The following C14orf132 variants were observed in gnomAD, a reference collection of about 807,000 sequenced individuals.
C14orf132 encodes chromosome 14 open reading frame 132, also known as uncharacterized protein C14orf132.
Under a neutral mutation model 5.8 loss-of-function variants are expected in C14orf132, and 6 were observed. The observed-to-expected ratio is 1.03, with a 90% CI of 0.57 to 2.04. The LOEUF (loss-of-function observed/expected upper bound fraction) is 2.04. Among genes scored for constraint, C14orf132 ranks in the 30% most tolerant of loss-of-function variants. The probability of loss-of-function intolerance (pLI) is 0.00; values close to 1 mark genes in which losing one functional copy is unlikely to be tolerated. For synonymous variants in C14orf132, 51 were observed against 49.8 expected (o/e 1.02, Z -0.10); for missense variants, 125 against 115.8 (o/e 1.08, Z -0.37).
At chr14:96,081,810 G>T (rs1888039173) in intron 1 of C14orf132, among the ~76,000 whole-genome samples, 2 of 152,050 alleles carry the variant, frequency 1.3e-5, no homozygotes, top group Admixed American at 6.6e-5. Flanking sequence ...ATGTTACCCG[G>T]ACTGATCTTG....
intron 1 of C14orf132, among the ~76,000 whole-genome samples, chr14:96,053,633 G>A (rs1313390233): frequency 1.3e-5 from 2 of 152,216 alleles, no homozygotes; most frequent in African/African-American, 4.8e-5. Flanking sequence ...ACAGCAGCTG[G>A]TGGTCTTGTA....
chr14:96,069,544 G>A (rs998706705), intron 1 of C14orf132, among the ~76,000 whole-genome samples: 2 of 152,074 alleles, frequency 1.3e-5, no homozygotes, highest in Non-Finnish European at 2.9e-5. Flanking sequence ...GGCAGGCATG[G>A]GATGTGCATG....
chr14:96,056,314 G>A (rs867330397), intron 1 of C14orf132, among the ~76,000 whole-genome samples: 1 of 152,188 alleles, frequency 6.6e-6, no homozygotes, highest in African/African-American at 2.4e-5. Flanking sequence ...ACTGCCCAGG[G>A]CGGCCTGCAA....
At chr14:96,060,256 C>T (rs544264493) in intron 1 of C14orf132, among the ~76,000 whole-genome samples, 1 of 152,310 alleles carries the variant, frequency 6.6e-6, no homozygotes, top group African/African-American at 2.4e-5. Flanking sequence ...GAAGTTGATT[C>T]TGCACAGAAA....
Position 96,086,825 on chromosome 14 carries a change from C to T in C14orf132, c.*90C>T, listed in dbSNP as rs1888209560. On this transcript the variant is annotated 3_prime_UTR_variant, in exon 2 of 2. Transcript: ENST00000555004. ...TTTGGCTTCTCCTGTGTTCTAGAAC[C>T]AGGAGTTTTGACCAGGGGCGGCGGC... 1 of 1,325,860 alleles carries T rather than the reference C, an allele frequency of 7.5e-7. No individual in the cohort carries two copies. The highest frequency in any genetic ancestry group is 1.5e-5 in the African/African-American group (1 of 68,276). The allele number at this position is 1,325,860 out of a possible 1,614,324, so 82.1% of individuals were successfully genotyped here.
intron 1 of C14orf132, among the ~76,000 whole-genome samples, chr14:96,064,742 G>A (rs938504075): frequency 6.6e-6 from 1 of 151,864 alleles, no homozygotes; most frequent in Non-Finnish European, 1.5e-5. Context: ...GGTGATGAGT[G>A]CACCAAAATC....
rs1346278846 is a variant in C14orf132, at chr14:96,047,309, C to T, written c.27+7782C>T. 2.6e-5 allele frequency among the ~76,000 whole-genome samples: 4 copies of T among 152,264 alleles called. No individual in the cohort carries two copies. The East Asian group carries it at 7.7e-4, about 29-fold the overall frequency. ...AAGATTTCAGACATATGACTTGAAA[C>T]AATGGAATCTCACAAAGCTAAGAGA... On this transcript the variant is annotated intron_variant, in intron 1 of 1. Coordinates refer to ENST00000555004, the MANE Select transcript of C14orf132 (RefSeq NM_001252507.3).
At chr14:96,060,033 C>A (rs554992175) in intron 1 of C14orf132, among the ~76,000 whole-genome samples, 1 of 152,340 alleles carries the variant, frequency 6.6e-6, no homozygotes, top group Non-Finnish European at 1.5e-5. Flanking sequence ...GGATGCCCCC[C>A]TCCCCTCCTT....
chr14:96,061,647 A>C (rs1304938718), intron 1 of C14orf132, among the ~76,000 whole-genome samples: 1 of 152,184 alleles, frequency 6.6e-6, no homozygotes, highest in East Asian at 1.9e-4. Flanking sequence ...ATCTCAGGAC[A>C]GGTGCAGTGG....
rs955335070 is a variant in C14orf132 at position 96,089,946 on chromosome 14, A to C, written c.*3211A>C. 2 of 152,354 alleles carry C rather than the reference A, an allele frequency of 1.3e-5. No individual in the cohort carries two copies. Among genetic ancestry groups the C allele is most frequent in the African/African-American group, 4.8e-5 (2 of 41,446 alleles). The allele number at this position is 152,354 out of a possible 1,614,324, so 9.4% of individuals were successfully genotyped here. ...CAGGGGAGAGGGATCGTCCTCATTCAGACTCTAGCTGGGGCCTCTGTACTG... is the reference window on the plus strand; with the variant it reads ...CAGGGGAGAGGGATCGTCCTCATTCCGACTCTAGCTGGGGCCTCTGTACTG... On this transcript the variant is annotated 3_prime_UTR_variant, in exon 2 of 2. Transcript: ENST00000555004.
chr14:96,069,038 T>C (rs996732728), intron 1 of C14orf132, among the ~76,000 whole-genome samples: 1 of 151,740 alleles, frequency 6.6e-6, no homozygotes, highest in Non-Finnish European at 1.5e-5. Context: ...GCTCCTCTGG[T>C]TCTCAGGCCT....
At chr14:96,075,100 G>A (rs1011473111) in intron 1 of C14orf132, among the ~76,000 whole-genome samples, 1 of 152,110 alleles carries the variant, frequency 6.6e-6, no homozygotes, top group African/African-American at 2.4e-5. Flanking sequence ...TCATCAGTAT[G>A]TTGTTTTCAG....
chr14:96,055,636 G>A (rs552520357), intron 1 of C14orf132, among the ~76,000 whole-genome samples: 25 of 152,192 alleles, frequency 1.6e-4, no homozygotes, highest in Admixed American at 1.2e-3. Flanking sequence ...TCCGTTTTCC[G>A]CAGCCTGTAA....
At chr14:96,043,150 T>A (rs1242888411) in intron 1 of C14orf132, among the ~76,000 whole-genome samples, 1 of 152,164 alleles carries the variant, frequency 6.6e-6, no homozygotes, top group African/African-American at 2.4e-5. Context: ...GAAGAGAAAG[T>A]CTAGTGGCTT....
chr14:96,049,807 A>G (rs1439797716), intron 1 of C14orf132, among the ~76,000 whole-genome samples: 2 of 136,844 alleles, frequency 1.5e-5, no homozygotes, highest in Non-Finnish European at 3.1e-5. Flanking sequence ...TTTTATTTGG[A>G]TAGTTATTAT....
intron 1 of C14orf132, among the ~76,000 whole-genome samples, chr14:96,055,627 C>T (rs1442372132): frequency 6.6e-6 from 1 of 152,176 alleles, no homozygotes; most frequent in African/African-American, 2.4e-5. Flanking sequence ...CTCTGATCCT[C>T]CGTTTTCCGC....
At chr14:96,074,875 T>TTC (rs1245350615) in intron 1 of C14orf132, among the ~76,000 whole-genome samples, 2 of 152,144 alleles carry the variant, frequency 1.3e-5, no homozygotes, top group Non-Finnish European at 2.9e-5. Context: ...TGTTTTCTTT[T>TTC]TCAAAATTGT....
chr14:96,087,104 T>C lies in C14orf132; in HGVS notation c.*369T>C. 1 of 273,672 alleles carries C rather than the reference T, an allele frequency of 3.7e-6. No homozygotes were observed. Among genetic ancestry groups the C allele is most frequent in the East Asian group, 9.4e-5 (1 of 10,610 alleles). The allele number at this position is 273,672 out of a possible 1,614,324, so 17.0% of individuals were successfully genotyped here. A position where few individuals can be genotyped will look rare whatever the true frequency, so the allele number is the denominator to read the frequency against. The stretch of plus-strand genomic sequence containing the variant: ...GGTGGTAAATAATCACTCGTGTGTC[T>C]TGTTTTTATGCAAACTTATCGAACC... On this transcript the variant is annotated 3_prime_UTR_variant, in exon 2 of 2. Coordinates refer to ENST00000555004, the MANE Select transcript of C14orf132 (RefSeq NM_001252507.3).
Position 96,039,622 on chromosome 14 carries a change from G to C in C14orf132, c.27+95G>C. The C allele has an allele frequency of 8.1e-7, 1 of 1,230,822 alleles. No individual in the cohort carries two copies. Among genetic ancestry groups the C allele is most frequent in the Non-Finnish European group, 1.1e-6 (1 of 935,498 alleles). The allele number at this position is 1,230,822 out of a possible 1,614,324, so 76.2% of individuals were successfully genotyped here. On this transcript the variant is annotated intron_variant, in intron 1 of 1. Coordinates refer to ENST00000555004, the MANE Select transcript of C14orf132 (RefSeq NM_001252507.3). This position sits in a 1 kb window ranked among gnomAD's most constrained non-coding sequence, Gnocchi z 5.3. The stretch of plus-strand genomic sequence containing the variant: ...CTCCACGCTGGGGCTGGGCAGTGGC[G>C]CCCGCCCGCGATCCGCGTCCCGGTC...
Sources: gnomAD v4.1 joint callset for allele counts (sites outside exome capture counted in the v4.1 genomes callset) on GRCh38, gnomAD v4.1.1 for gene constraint, Gnocchi (gnomAD v3.1) non-coding constraint, MANE v1.5 for transcripts, NCBI Gene and HGNC (gene_info 2026-07-23, HGNC 2026-07-21) for gene names.